Variants in TFG observed in about 807,000 individuals in gnomAD.
TFG encodes protein TFG.
Under a neutral mutation model 51.4 loss-of-function variants are expected in TFG, and 22 were observed. The observed-to-expected ratio is 0.43, with a 90% CI of 0.31 to 0.61. The LOEUF is 0.61. Among genes scored for constraint, TFG ranks in the 20% least tolerant of loss-of-function variants. TFG has a pLI of 0.12. For synonymous variants in TFG, 187 were observed against 165.6 expected, an observed-to-expected ratio of 1.13 and a Z score of -0.99; for missense variants, 419 against 487.7, an observed-to-expected ratio of 0.86 and a Z score of 1.33.
At chr3:100,739,757 A>G (rs762789381) in intron 6 of TFG, among the ~76,000 whole-genome samples, 2 of 152,130 alleles carry the variant, frequency 1.3e-5, no homozygotes, top group Admixed American at 1.3e-4. Flanking sequence ...GAGTAGTTTA[A>G]ATCAAATTAT....
intron 4 of TFG, among the ~76,000 whole-genome samples, 175 bp downstream of exon 4, chr3:100,729,033 TACTAGGA>T (rs2095084064): frequency 6.6e-6 from 1 of 152,346 alleles, no homozygotes; most frequent in Admixed American, 6.5e-5. Context: ...TCATCAGAAT[TACTAGGA>T]GGTTTCATTA....
chr3:100,739,413 A>T (rs142052867), intron 6 of TFG, among the ~76,000 whole-genome samples: 3 of 152,256 alleles, frequency 2.0e-5, no homozygotes, highest in African/African-American at 7.2e-5. Flanking sequence ...CAAAAGGGAT[A>T]ATGTTACTCT....
chr3:100,721,081 CTG>C lies in TFG; in HGVS notation c.268+1025_268+1026del, dbSNP rs1481061864. ...AGAATTTAAATGTTAATAACAAAAA[CTG>C]TTTAAAATTATTTAAAATAAAGGTA... is the stretch of plus-strand genomic sequence containing the variant. On this transcript the variant is annotated intron_variant, in intron 3 of 7. Coordinates refer to ENST00000240851, the MANE Select transcript of TFG (RefSeq NM_006070.6). Among the ~76,000 whole-genome samples, 9 of 152,126 alleles carry C rather than the reference CTG, an allele frequency of 5.9e-5. No individual in the cohort carries two copies. In the South Asian group the frequency reaches 1.9e-3, roughly 31 times the overall value.
intron 3 of TFG, among the ~76,000 whole-genome samples, chr3:100,724,929 A>C (rs1242187022): frequency 6.6e-6 from 1 of 152,168 alleles, no homozygotes; most frequent in East Asian, 1.9e-4. Flanking sequence ...TGTGAGGCAG[A>C]GTCTCTCACT....
chr3:100,748,180 A>C lies in TFG; in HGVS notation c.852A>C (p.Gln284His), dbSNP rs1559726965. Reference sequence around the variant, plus strand: ...ATAGTCAGCAGACTGGACCTCAACAACCTCAGCAGTTCCAGGGATATGGCC... The same window carrying C: ...ATAGTCAGCAGACTGGACCTCAACACCCTCAGCAGTTCCAGGGATATGGCC... ...ASYSQQTGPQ[Q>H]PQQFQGYGQQ... The change falls in exon 8 of 8, where the codon CAA (glutamine) becomes CAC (histidine). Residue 284 changes from glutamine to histidine, a missense_variant. Transcript: ENST00000240851. The C allele has an allele frequency of 1.2e-6, 2 of 1,613,876 alleles. No homozygotes were observed. The highest frequency in any genetic ancestry group is 1.7e-6 in the Non-Finnish European group (2 of 1,179,950).
chr3:100,732,387 C>A, intron 4 of TFG, 121 bp from the exon 5 acceptor site: 1 of 589,072 alleles, frequency 1.7e-6, no homozygotes, highest in Non-Finnish European at 2.8e-6. Flanking sequence ...ATCCTATATT[C>A]CGACATGCTT....
rs1456106850 is a variant in TFG at position 100,748,460 on chromosome 3, C to T, written c.1132C>T (p.Pro378Ser). 2 of 1,614,082 alleles carry T rather than the reference C, an allele frequency of 1.2e-6. No individual in the cohort carries two copies. The highest frequency in any genetic ancestry group is 1.7e-5 in the Admixed American group (1 of 60,004). The change falls in exon 8 of 8, where the codon CCT becomes TCT. Residue 378 changes from proline to serine, a missense_variant. This residue lies in a region of TFG where 391 missense variants were observed against 434.4 expected (regional missense o/e 0.90). Coordinates refer to ENST00000240851, the MANE Select transcript of TFG (RefSeq NM_006070.6). ...GSTMTPPPSGPNPYARNRPPF... is the reference protein window; with the variant it reads ...GSTMTPPPSGSNPYARNRPPF... ...TACCATGACCCCTCCTCCAAGTGGG[C>T]CTAATCCTTATGCGCGTAACCGTCC...
intron 2 of TFG, among the ~76,000 whole-genome samples, chr3:100,718,716 C>G (rs1317681291): frequency 6.6e-6 from 1 of 152,040 alleles, no homozygotes; most frequent in East Asian, 1.9e-4. Flanking sequence ...CACCACCACA[C>G]TCGGCTGATT....
At chr3:100,725,123 G>A (rs1163692045) in intron 3 of TFG, among the ~76,000 whole-genome samples, 2 of 152,104 alleles carry the variant, frequency 1.3e-5, no homozygotes, top group African/African-American at 4.8e-5. Context: ...AGCCAGGATG[G>A]TCTCGATCTC....
At chr3:100,715,163 C>T (rs2095042188) in intron 2 of TFG, among the ~76,000 whole-genome samples, 1 of 152,166 alleles carries the variant, frequency 6.6e-6, no homozygotes, top group Admixed American at 6.5e-5. Flanking sequence ...TAGGGTTGGG[C>T]TTAAAGTAAT....
intron 6 of TFG, among the ~76,000 whole-genome samples, chr3:100,740,692 G>T (rs1184622757): frequency 6.6e-6 from 1 of 152,000 alleles, no homozygotes; most frequent in Middle Eastern, 3.2e-3. Flanking sequence ...AGCCGTTGAG[G>T]GTCATGATAG....
Position 100,748,270 on chromosome 3 carries a change from G to A in TFG, c.942G>A (p.Gln314=), listed in dbSNP as rs779498234. 1.2e-6 allele frequency: 2 copies of A among 1,614,088 alleles called. No individual in the cohort carries two copies. Among genetic ancestry groups the A allele is most frequent in the Admixed American group, 3.3e-5 (2 of 60,010 alleles). Residue 314 remains glutamine (Q), a synonymous_variant, in exon 8 of 8, where the codon CAG becomes CAA. Transcript: ENST00000240851. The part of the protein sequence containing the change: ...FSGQPQQLPA[Q]PPQQYQASNY... Reference sequence around the variant, plus strand: ...GTCAGCCTCAACAACTGCCTGCTCAGCCGCCACAGCAGTACCAGGCGAGCA... The same window carrying A: ...GTCAGCCTCAACAACTGCCTGCTCAACCGCCACAGCAGTACCAGGCGAGCA...
intron 4 of TFG, among the ~76,000 whole-genome samples, chr3:100,730,748 A>G (rs2095089319): frequency 6.6e-6 from 1 of 152,196 alleles, no homozygotes; most frequent in Non-Finnish European, 1.5e-5. Context: ...AATGATGTGT[A>G]AACTACCTTA....
intron 3 of TFG, among the ~76,000 whole-genome samples, chr3:100,726,083 C>T (rs978209044): frequency 2.0e-5 from 3 of 152,044 alleles, no homozygotes; most frequent in African/African-American, 7.2e-5. Context: ...CAGTCCAAGT[C>T]CAAAAGCCTG....
At chr3:100,743,826 A>G (rs1461048734) in intron 6 of TFG, 3 of 151,914 alleles carry the variant, frequency 2.0e-5, no homozygotes, top group Non-Finnish European at 2.9e-5. Flanking sequence ...TCACTTCAGC[A>G]GTAAGTATCT....
At chr3:100,712,829 C>G (rs998823746) in intron 1 of TFG, among the ~76,000 whole-genome samples, 15 of 152,138 alleles carry the variant, frequency 9.9e-5, no homozygotes, top group African/African-American at 3.6e-4. Flanking sequence ...GGAAAGATCT[C>G]TCTCAGTTAA....
intron 3 of TFG, 75 bp downstream of exon 3, chr3:100,720,133 A>G (rs2095056726): frequency 2.2e-6 from 2 of 911,688 alleles, no homozygotes; most frequent in Admixed American, 5.3e-5. Flanking sequence ...TTTTCCTTTT[A>G]AAGACTCAGG....
chr3:100,742,365 A>C (rs2095123627), intron 6 of TFG: 1 of 152,230 alleles, frequency 6.6e-6, no homozygotes, highest in Non-Finnish European at 1.5e-5. Context: ...CCAGACTTCT[A>C]GATAAAGACT....
intron 6 of TFG, among the ~76,000 whole-genome samples, chr3:100,739,207 ATTAC>A (rs2095114793): frequency 6.6e-6 from 1 of 152,220 alleles, no homozygotes. Context: ...CATAAAATGT[ATTAC>A]TTATAATTTG....
Sources: allele counts gnomAD v4.1 joint callset (sites outside exome capture counted in the v4.1 genomes callset), GRCh38; gene constraint gnomAD v4.1.1; regional missense constraint gnomAD v4.1.1; transcripts MANE v1.5; gene names NCBI Gene and HGNC (gene_info 2026-07-23, HGNC 2026-07-21).